KIAA1217: variants seen among roughly 807,000 people sequenced by gnomAD.
The protein encoded by KIAA1217 is KIAA1217.
Under a neutral mutation model 163.9 loss-of-function variants are expected in KIAA1217, and 88 were observed. The observed-to-expected ratio is 0.54, with a 90% CI of 0.45 to 0.64. The LOEUF (loss-of-function observed/expected upper bound fraction) is 0.64. Ranked by LOEUF, KIAA1217 falls within the 30% of genes least tolerant of loss-of-function variation. The probability of loss-of-function intolerance (pLI) is 0.00; values close to 1 mark genes in which losing one functional copy is unlikely to be tolerated. For synonymous variants in KIAA1217, 903 were observed against 923.1 expected, an observed-to-expected ratio of 0.98 and a Z score of 0.39; for missense variants, 2,372 against 2,475.0, an observed-to-expected ratio of 0.96 and a Z score of 0.88.
At chr10:23,966,762 C>A (rs903104441) in intron 1 of KIAA1217, among the ~76,000 whole-genome samples, 4 of 152,072 alleles carry the variant, frequency 2.6e-5, no homozygotes, top group African/African-American at 9.7e-5. Context: ...ACCATTCATC[C>A]CGAAGAAAGT....
chr10:24,089,646 T>C (rs2061848511), intron 2 of KIAA1217, among the ~76,000 whole-genome samples: 2 of 151,856 alleles, frequency 1.3e-5, no homozygotes, highest in South Asian at 2.1e-4. Context: ...TTCTTTTCCA[T>C]TGGTCTGTAT....
rs114376691 is a variant in KIAA1217 at position 23,834,424 on chromosome 10, T to C, written c.-321+139190T>C. Among the ~76,000 whole-genome samples the C allele has an allele frequency of 6.9e-3, 1,044 of 152,332 alleles. 14 individuals are homozygous for C. Among genetic ancestry groups the C allele is most frequent in the African/African-American group, 0.024 (1,008 of 41,574 alleles). ...TAATATTTATTGAGTTACCAGTATA[T>C]TCTAGGCATTATTCTAAGTCCTGGA... On this transcript the variant is annotated intron_variant, in intron 1 of 18. Transcript: ENST00000376462.
chr10:24,284,052 G>A (rs1488339673), intron 2 of KIAA1217, among the ~76,000 whole-genome samples: 1 of 151,976 alleles, frequency 6.6e-6, no homozygotes, highest in East Asian at 1.9e-4. Context: ...AGGAACTATA[G>A]GCACAGGTGA....
intron 2 of KIAA1217, among the ~76,000 whole-genome samples, chr10:24,372,384 G>A (rs964872310): frequency 6.6e-6 from 1 of 152,134 alleles, no homozygotes; most frequent in African/African-American, 2.4e-5. Flanking sequence ...GATCTGGTGC[G>A]TTTCAGTTCT....
chr10:24,014,556 T>C (rs11597382), intron 2 of KIAA1217, among the ~76,000 whole-genome samples: 32,634 of 152,066 alleles, frequency 0.21, 4,370 homozygotes, highest in Middle Eastern at 0.42. Flanking sequence ...CCCAAAGCAG[T>C]AGAGAGAATT....
rs79591380 is a variant in KIAA1217 at position 23,985,079 on chromosome 10, A to G, written c.-320-22146A>G. Among the ~76,000 whole-genome samples, 691 of 152,188 alleles carry G rather than the reference A, an allele frequency of 4.5e-3. 29 individuals carry two copies. The East Asian group carries it at 0.12, about 26-fold the overall frequency. On this transcript the variant is annotated intron_variant, in intron 1 of 18. Coordinates refer to the KIAA1217 transcript ENST00000376462. ...AGGCTTCTAGGAGACTATACCTTCAATCTGTATAGAGGCACTTTTCCAGCT... is the reference window on the plus strand; with the variant it reads ...AGGCTTCTAGGAGACTATACCTTCAGTCTGTATAGAGGCACTTTTCCAGCT...
intron 16 of KIAA1217, 121 bp from the exon 17 acceptor site, chr10:24,536,653 C>A: frequency 2.0e-6 from 2 of 999,462 alleles, no homozygotes; most frequent in Non-Finnish European, 3.0e-6. Flanking sequence ...GCCTCCCTGG[C>A]CTAAACCTGC....
Position 24,074,353 on chromosome 10 carries a change from A to AAAC in KIAA1217, c.-171+66994_-171+66996dup, listed in dbSNP as rs372862319. 9.1e-3 allele frequency among the ~76,000 whole-genome samples: 1,384 copies of AAAC among 152,140 alleles called. 15 individuals are homozygous for AAAC. The highest frequency in any genetic ancestry group is 0.031 in the African/African-American group (1,296 of 41,498). On this transcript the variant is annotated intron_variant, in intron 2 of 18. Coordinates refer to the KIAA1217 transcript ENST00000376462. ...AACAGAGTGAGTAAGACTCTGTCTC[A>AAAC]AACAACAACAACAACAAAAACCAAC...
chr10:24,108,142 T>G (rs2131735551), intron 2 of KIAA1217, among the ~76,000 whole-genome samples: 1 of 152,322 alleles, frequency 6.6e-6, no homozygotes, highest in South Asian at 2.1e-4. Context: ...GAAGGCTATT[T>G]TATTTTATAT....
At chr10:23,971,267 TCCA>T (rs1845305209) in intron 1 of KIAA1217, among the ~76,000 whole-genome samples, 1 of 152,216 alleles carries the variant, frequency 6.6e-6, no homozygotes, top group Admixed American at 6.5e-5. Context: ...CCAGTTAAAC[TCCA>T]CCATTTTGCA....
intron 1 of KIAA1217, among the ~76,000 whole-genome samples, chr10:23,887,751 A>G (rs182863917): frequency 1.3e-5 from 2 of 151,892 alleles, no homozygotes; most frequent in East Asian, 3.9e-4. Context: ...ACAGGGTCTC[A>G]CTCTTTCCCC....
In KIAA1217 at chr10:24,533,246, A is replaced by G. The variant is rs760869567; in HGVS notation, c.3414+9A>G. On this transcript the variant is annotated intron_variant, in intron 16 of 20. Transcript: ENST00000376454. The stretch of plus-strand genomic sequence containing the variant: ...TAATGGCAGAACTCCAGGTATGTGG[A>G]TGAGGTGACTGACATTGGCTCCTTG... 1.2e-6 allele frequency: 2 copies of G among 1,600,050 alleles called. No homozygotes were observed. Among genetic ancestry groups the G allele is most frequent in the South Asian group, 2.2e-5 (2 of 89,328 alleles).
intron 1 of KIAA1217, among the ~76,000 whole-genome samples, chr10:23,962,593 A>C (rs969487947): frequency 6.6e-6 from 1 of 152,190 alleles, no homozygotes; most frequent in Non-Finnish European, 1.5e-5. Flanking sequence ...CTCAAATCTG[A>C]TTATTCTTAG....
intron 2 of KIAA1217, among the ~76,000 whole-genome samples, chr10:24,313,134 T>A (rs1262140371): frequency 2.0e-5 from 3 of 152,152 alleles, no homozygotes; most frequent in African/African-American, 7.2e-5. Context: ...TATCCTTCTC[T>A]CTCCTCACCG....
chr10:23,832,016 C>T (rs998803335), intron 1 of KIAA1217, among the ~76,000 whole-genome samples: 1 of 152,156 alleles, frequency 6.6e-6, no homozygotes, highest in African/African-American at 2.4e-5. Flanking sequence ...CTCTAGTGGA[C>T]ACCAACTGGG....
intron 10 of KIAA1217, among the ~76,000 whole-genome samples, chr10:24,514,986 C>T (rs780592373): frequency 8.6e-5 from 13 of 151,264 alleles, no homozygotes; most frequent in East Asian, 1.9e-4. Context: ...AGCACAACTC[C>T]GTCTCAAAAA....
intron 1 of KIAA1217, among the ~76,000 whole-genome samples, chr10:23,933,594 A>T (rs183271947): frequency 2.0e-4 from 30 of 152,232 alleles, no homozygotes; most frequent in African/African-American, 7.0e-4. Flanking sequence ...CTATCATCCA[A>T]GTGAGCAGGC....
intron 2 of KIAA1217, among the ~76,000 whole-genome samples, chr10:24,052,796 A>G (rs1849610124): frequency 6.6e-6 from 1 of 152,068 alleles, no homozygotes; most frequent in Non-Finnish European, 1.5e-5. Context: ...TATATGCTAT[A>G]TATGTTCTTA....
rs1477265972 is a variant in KIAA1217, at chr10:24,544,203, A to G, written c.4933A>G (p.Ser1645Gly). Residue 1645 changes from serine to glycine, a missense_variant, in exon 19 of 21, where the codon AGC becomes GGC. By Grantham distance (56) the Ser-to-Gly change is moderately conservative. Transcript: ENST00000376454. Reference protein sequence around the residue: ...ENTVRRQEQPSIESTSPISRT... With the variant: ...ENTVRRQEQPGIESTSPISRT... ...CACAGTGAGGAGGCAAGAGCAGCCC[A>G]GCATCGAGAGTACATCTCCGATTTC... is the stretch of plus-strand genomic sequence containing the variant. 2 of 1,614,022 alleles carry G rather than the reference A, an allele frequency of 1.2e-6. No homozygotes were observed. Among genetic ancestry groups the G allele is most frequent in the Non-Finnish European group, 1.7e-6 (2 of 1,180,024 alleles).
Sources: allele counts gnomAD v4.1 joint callset (sites outside exome capture counted in the v4.1 genomes callset), GRCh38; gene constraint gnomAD v4.1.1; transcripts MANE v1.5; gene names NCBI Gene and HGNC (gene_info 2026-07-23, HGNC 2026-07-21).